The following CRLF3 variants were observed in gnomAD, a reference collection of about 807,000 sequenced individuals.
CRLF3 encodes the protein cytokine receptor-like factor 3.
CRLF3 carries 33 observed loss-of-function variants against 55.0 expected under a neutral mutation model. The ratio of observed to expected loss-of-function variants is 0.60; its 90% CI spans 0.46 to 0.80. CRLF3 has a LOEUF of 0.80. Among genes scored for constraint, CRLF3 ranks in the 30% least tolerant of loss-of-function variants. The pLI is 0.00. For missense variants in CRLF3, 494 were observed against 538.4 expected, an observed-to-expected ratio of 0.92 and a Z score of 0.82; for synonymous variants, 238 against 196.8, an observed-to-expected ratio of 1.21 and a Z score of -1.75.
chr17:30,813,148 T>A (rs1904675585), intron 1 of CRLF3, among the ~76,000 whole-genome samples: 2 of 152,092 alleles, frequency 1.3e-5, no homozygotes, highest in Non-Finnish European at 2.9e-5. Context: ...AAACAAATCA[T>A]ATAAAAAAAT....
Position 30,804,116 on chromosome 17 carries a change from G to T in CRLF3, c.130-8C>A. ...TGATGCACTTTCTTTGATCTAAAAAGAAATAACAAAATACTCAAAATCAGA... is the reference window on the plus strand; with the variant it reads ...TGATGCACTTTCTTTGATCTAAAAATAAATAACAAAATACTCAAAATCAGA... On this transcript the variant is annotated splice_region_variant and splice_polypyrimidine_tract_variant and intron_variant, in intron 1 of 7. Transcript: ENST00000324238. 1 of 1,592,304 alleles carries T rather than the reference G, an allele frequency of 6.3e-7. No individual in the cohort carries two copies. Among genetic ancestry groups the T allele is most frequent in the Non-Finnish European group, 8.6e-7 (1 of 1,162,414 alleles).
chr17:30,807,692 C>G, intron 1 of CRLF3, among the ~76,000 whole-genome samples: 1 of 151,880 alleles, frequency 6.6e-6, no homozygotes, highest in East Asian at 1.9e-4. Context: ...GCCACCACGC[C>G]TGGCTAATTT....
chr17:30,804,139 A>C lies in CRLF3; in HGVS notation c.130-31T>G. 2.0e-6 allele frequency: 3 copies of C among 1,519,032 alleles called. 1 individual carries two copies. In the South Asian group the frequency reaches 3.4e-5, roughly 17 times the overall value. 94.1% of individuals were successfully genotyped at this position (1,519,032 alleles called of 1,614,324 possible). A position where few individuals can be genotyped will look rare whatever the true frequency, so the allele number is the denominator to read the frequency against. On this transcript the variant is annotated intron_variant, in intron 1 of 7. Transcript: ENST00000324238. ...AAGAAATAACAAAATACTCAAAATCAGAATCTTTAAAAAAGGCTAATCCAA... is the reference window on the plus strand; with the variant it reads ...AAGAAATAACAAAATACTCAAAATCCGAATCTTTAAAAAAGGCTAATCCAA...
chr17:30,816,403 T>G (rs1275730145), intron 1 of CRLF3, among the ~76,000 whole-genome samples: 1 of 152,016 alleles, frequency 6.6e-6, no homozygotes, highest in Non-Finnish European at 1.5e-5. Flanking sequence ...AATGATGTTT[T>G]GGACAATGAC....
At chr17:30,817,565 A>AG (rs2142274064) in intron 1 of CRLF3, among the ~76,000 whole-genome samples, 2 of 152,320 alleles carry the variant, frequency 1.3e-5, no homozygotes, top group South Asian at 4.1e-4. Flanking sequence ...TTGCATATAC[A>AG]GTAGTCTCTC....
intron 2 of CRLF3, chr17:30,801,217 G>T (rs1414383573): frequency 6.6e-6 from 1 of 151,720 alleles, no homozygotes; most frequent in Admixed American, 6.6e-5. Context: ...CATTGTGCCT[G>T]GCTCAAAATC....
intron 1 of CRLF3, among the ~76,000 whole-genome samples, chr17:30,818,093 C>A (rs1312601700): frequency 6.6e-6 from 1 of 151,504 alleles, no homozygotes; most frequent in Non-Finnish European, 1.5e-5. Context: ...AACCCCGTCT[C>A]TACTAAAAAT....
At position 30,793,567 on chromosome 17, in the gene CRLF3, A is replaced by G. The variant is rs955452234; in HGVS notation, c.709T>C (p.Leu237=). ...TAATCAACGTTGGGGTCTATGTGCA[A>G]TACTATGAATTCAGTTTCAGAACCT... ...YVGSETEFIV[L]HIDPNVDYQF... Residue 237 remains leucine (L), a synonymous_variant, in exon 5 of 8, where the codon TTG becomes CTG. Transcript: ENST00000324238. 8.1e-6 allele frequency: 13 copies of G among 1,614,002 alleles called. No homozygotes were observed. The highest frequency in any genetic ancestry group is 1.0e-5 in the Non-Finnish European group (12 of 1,180,000).
chr17:30,824,564 G>A lies in CRLF3; in HGVS notation c.88C>T (p.Leu30=), dbSNP rs1371397901. The change falls in exon 1 of 8, where the codon CTG becomes TTG. Residue 30 remains leucine, a synonymous_variant. Transcript: ENST00000324238. ...VEAAQSYRRE[L]GHRLEGLREA... ...CGCAGCCCCTCAAGCCGGTGACCCAGCTCCCGCCGGTAGCTCTGCGCTGCC... is the reference window on the plus strand; with the variant it reads ...CGCAGCCCCTCAAGCCGGTGACCCAACTCCCGCCGGTAGCTCTGCGCTGCC... The A allele has an allele frequency of 3.1e-6, 5 of 1,601,468 alleles. No homozygotes were observed. Among genetic ancestry groups the A allele is most frequent in the Non-Finnish European group, 4.2e-6 (5 of 1,178,034 alleles).
At chr17:30,814,998 C>T (rs982467361) in intron 1 of CRLF3, among the ~76,000 whole-genome samples, 5 of 149,528 alleles carry the variant, frequency 3.3e-5, no homozygotes, top group African/African-American at 1.2e-4. Context: ...TGCGAAACTC[C>T]GTCTTTAAAA....
At chr17:30,810,438 C>T (rs1037613795) in intron 1 of CRLF3, among the ~76,000 whole-genome samples, 3 of 151,928 alleles carry the variant, frequency 2.0e-5, no homozygotes, top group African/African-American at 4.8e-5. Context: ...TAGTGGTGCA[C>T]GCCTGTAGTC....
At position 30,796,145 on chromosome 17, in the gene CRLF3, T is replaced by G. The variant is rs773568084; in HGVS notation, c.603+15A>C. On this transcript the variant is annotated intron_variant, in intron 4 of 7. Transcript: ENST00000324238. ...CATAATGTGGAAGTCATTTCTAGAA[T>G]TCTGAATTACATACCTTACACCATC... 4 of 1,565,682 alleles carry G rather than the reference T, an allele frequency of 2.6e-6. No individual in the cohort carries two copies. The highest frequency in any genetic ancestry group is 3.5e-6 in the Non-Finnish European group (4 of 1,154,026).
rs749841380 is a variant in CRLF3, at chr17:30,786,050, G to C, written c.960-19C>G. 2.3e-6 allele frequency: 3 copies of C among 1,320,904 alleles called. No individual in the cohort carries two copies. The Admixed American group carries it at 5.3e-5, about 23-fold the overall frequency. 81.8% of individuals were successfully genotyped at this position (1,320,904 alleles called of 1,614,324 possible). A position where few individuals can be genotyped will look rare whatever the true frequency, so the allele number is the denominator to read the frequency against. On this transcript the variant is annotated intron_variant, in intron 6 of 7. Transcript: ENST00000324238. ...TTCAACTCTGTAAATGAAGTAGAAA[G>C]GTCATTTCATACTTTTAAAAATATA...
chr17:30,808,277 A>ATTTTTTTTTTTTTTTT (rs71138901), intron 1 of CRLF3, among the ~76,000 whole-genome samples: 2 of 54,862 alleles, frequency 3.6e-5, no homozygotes, highest in African/African-American at 6.7e-5. Context: ...TAGAACCTAT[A>ATTTTTTTTTTTTTTTT]TTTTTTTTTT....
rs951074758 is a variant in CRLF3, at chr17:30,784,719, A to G, written c.1073-276T>C. 7 of 311,290 alleles carry G rather than the reference A, an allele frequency of 2.2e-5. No individual in the cohort carries two copies. In the South Asian group the frequency reaches 4.3e-4, roughly 19 times the overall value. 19.3% of individuals were successfully genotyped at this position (311,290 alleles called of 1,614,324 possible). A position where few individuals can be genotyped will look rare whatever the true frequency, so the allele number is the denominator to read the frequency against. On this transcript the variant is annotated intron_variant, in intron 7 of 7. Coordinates refer to ENST00000324238, the MANE Select transcript of CRLF3 (RefSeq NM_015986.4). The stretch of plus-strand genomic sequence containing the variant: ...ACTATTTCTTATGGAATAAACAAGA[A>G]AGAATCTTGTTCTACCGAATTCTTG...
At chr17:30,800,688 G>C (rs1160811409) in intron 2 of CRLF3, among the ~76,000 whole-genome samples, 2 of 151,642 alleles carry the variant, frequency 1.3e-5, no homozygotes, top group Admixed American at 6.6e-5. Flanking sequence ...AGGCTGGAGT[G>C]CAGTGCTGCA....
At chr17:30,824,484 C>G in intron 1 of CRLF3, 39 bp downstream of exon 1, 1 of 1,551,434 alleles carries the variant, frequency 6.4e-7, no homozygotes, top group Non-Finnish European at 8.7e-7. Flanking sequence ...CCGCGCCACC[C>G]CCGGGCCCAC....
intron 4 of CRLF3, among the ~76,000 whole-genome samples, chr17:30,795,089 C>T (rs1971890173): frequency 6.6e-6 from 1 of 152,038 alleles, no homozygotes; most frequent in African/African-American, 2.4e-5. Context: ...CTGGAAATAA[C>T]TAGGTCCACT....
At chr17:30,797,711 A>G (rs1971940789) in intron 2 of CRLF3, among the ~76,000 whole-genome samples, 1 of 151,874 alleles carries the variant, frequency 6.6e-6, no homozygotes, top group Admixed American at 6.6e-5. Flanking sequence ...CTACAGAATC[A>G]TTATGAACTT....
Sources: gnomAD v4.1 joint callset for allele counts (sites outside exome capture counted in the v4.1 genomes callset) on GRCh38, gnomAD v4.1.1 for gene constraint, MANE v1.5 for transcripts, NCBI Gene and HGNC (gene_info 2026-07-23, HGNC 2026-07-21) for gene names.